SLC14A2: variants seen among roughly 807,000 people sequenced by gnomAD.
SLC14A2 encodes solute carrier family 14 member 2, also known as urea transporter 2.
In SLC14A2, 91 loss-of-function variants were observed where a neutral mutation model predicts 104.6. The ratio of observed to expected loss-of-function variants is 0.87; its 90% CI spans 0.73 to 1.04. SLC14A2 has a LOEUF of 1.04. Ranked by LOEUF, SLC14A2 falls within the 50% of genes least tolerant of loss-of-function variation. The pLI is 0.00. For synonymous variants in SLC14A2, 476 were observed against 466.4 expected, an observed-to-expected ratio of 1.02 and a Z score of -0.27; for missense variants, 1,189 against 1,156.0, an observed-to-expected ratio of 1.03 and a Z score of -0.41.
intron 1 of SLC14A2, among the ~76,000 whole-genome samples, chr18:45,228,261 T>C (rs183750977): frequency 3.3e-5 from 5 of 152,178 alleles, no homozygotes; most frequent in African/African-American, 1.2e-4. Context: ...GAATATTTGG[T>C]CAAATTACTG....
At chr18:45,215,224 A>C (rs1473190855) in intron 1 of SLC14A2, among the ~76,000 whole-genome samples, 1 of 152,216 alleles carries the variant, frequency 6.6e-6, no homozygotes, top group African/African-American at 2.4e-5. Context: ...AAGATTAAGA[A>C]TCAATATTCA....
intron 1 of SLC14A2, among the ~76,000 whole-genome samples, chr18:45,325,196 A>C (rs953767119): frequency 1.3e-5 from 2 of 152,236 alleles, no homozygotes; most frequent in African/African-American, 4.8e-5. Flanking sequence ...ACTTCCCTCT[A>C]GAAGTCAACG....
At chr18:45,563,062 G>A (rs537062091) in intron 2 of SLC14A2, among the ~76,000 whole-genome samples, 7 of 152,308 alleles carry the variant, frequency 4.6e-5, no homozygotes, top group African/African-American at 1.2e-4. Context: ...AAAAGGAAAC[G>A]CAGGGGGGCT....
At chr18:45,184,001 A>G in the SLC14A2 span, among the ~76,000 whole-genome samples, 2 of 137,838 alleles carry the variant, frequency 1.5e-5, no homozygotes, top group East Asian at 2.1e-4. Context: ...CAATCCTCCA[A>G]TCTCGGGCTC....
At chr18:45,444,325 C>T (rs540294962) in intron 1 of SLC14A2, among the ~76,000 whole-genome samples, 8 of 152,166 alleles carry the variant, frequency 5.3e-5, no homozygotes, top group Non-Finnish European at 4.4e-5. Context: ...GGATGCACTA[C>T]CTTCTCCCTG....
intron 2 of SLC14A2, among the ~76,000 whole-genome samples, chr18:45,575,125 C>T (rs1266132382): frequency 1.3e-5 from 2 of 151,724 alleles, no homozygotes; most frequent in South Asian, 2.1e-4. Flanking sequence ...TTTCTGGGCC[C>T]TGTGGGTTTC....
At chr18:45,668,526 C>CACG (rs1187176355) in intron 15 of SLC14A2, 49 bp downstream of exon 15, 2 of 1,604,834 alleles carry the variant, frequency 1.2e-6, no homozygotes, top group African/African-American at 2.7e-5. Context: ...GGCCACCAAC[C>CACG]TTTTCATCCC....
intron 10 of SLC14A2, among the ~76,000 whole-genome samples, chr18:45,660,113 A>G (rs117815701): frequency 0.016 from 2,435 of 152,298 alleles, 29 homozygotes; most frequent in Middle Eastern, 0.037. Context: ...AGCCTGGACA[A>G]TGAAGCAAGA....
At chr18:45,218,050 ACG>A in intron 1 of SLC14A2, among the ~76,000 whole-genome samples, 1 of 152,196 alleles carries the variant, frequency 6.6e-6, no homozygotes, top group Non-Finnish European at 1.5e-5. Flanking sequence ...TACCATTTTA[ACG>A]ATCTTTAAGT....
intron 1 of SLC14A2, among the ~76,000 whole-genome samples, chr18:45,296,411 T>C (rs2144179321): frequency 6.6e-6 from 1 of 152,348 alleles, no homozygotes; most frequent in African/African-American, 2.4e-5. Context: ...TATAATTGAA[T>C]GCCAGATTGA....
chr18:45,239,078 G>A (rs543545999), intron 1 of SLC14A2, among the ~76,000 whole-genome samples: 19 of 152,242 alleles, frequency 1.2e-4, no homozygotes, highest in South Asian at 2.1e-4. Flanking sequence ...GTTTCCTACC[G>A]GGAATGTTGG....
intron 1 of SLC14A2, among the ~76,000 whole-genome samples, chr18:45,322,108 T>C (rs1380170368): frequency 6.6e-6 from 1 of 152,202 alleles, no homozygotes; most frequent in Non-Finnish European, 1.5e-5. Context: ...AACAGTTTGT[T>C]CTCCAGGGCT....
At chr18:45,173,564 T>C in the SLC14A2 span, among the ~76,000 whole-genome samples, 183 of 152,144 alleles carry the variant, frequency 1.2e-3, no homozygotes, top group African/African-American at 4.2e-3. Context: ...AAGTCAGGTC[T>C]GCTGTGAACC....
At chr18:45,541,224 T>C (rs2043879045) in intron 2 of SLC14A2, among the ~76,000 whole-genome samples, 1 of 152,202 alleles carries the variant, frequency 6.6e-6, no homozygotes, top group Non-Finnish European at 1.5e-5. Context: ...TGTGTGTGTG[T>C]GCACACGTGT....
intron 1 of SLC14A2, among the ~76,000 whole-genome samples, chr18:45,280,092 C>T (rs974405302): frequency 3.9e-5 from 6 of 152,144 alleles, no homozygotes; most frequent in Non-Finnish European, 5.9e-5. Context: ...ATTTGTGCTG[C>T]GTACTGTTCA....
At chr18:45,211,187 C>T (rs2083958289), upstream of SLC14A2, among the ~76,000 whole-genome samples, 1 of 152,148 alleles carries the variant, frequency 6.6e-6, no homozygotes, top group Non-Finnish European at 1.5e-5. Context: ...TCACCTTTAT[C>T]ATGCAGCCAA....
In SLC14A2 at chr18:45,669,356, C is replaced by T; in HGVS notation, c.2087C>T (p.Pro696Leu). The part of the protein sequence containing the change: ...LGTIFSKWDL[P>L]VFTLPFNITV... ...ACCATCTTCAGCAAGTGGGACCTCC[C>T]AGTCTTCACACTGCCCTTCAATATC... is the stretch of plus-strand genomic sequence containing the variant. Residue 696 changes from proline to leucine, a missense_variant, in exon 16 of 20, where the codon CCA becomes CTA. Physicochemically the swap from Pro to Leu is moderately conservative, Grantham distance 98 (BLOSUM62 -3). Coordinates refer to ENST00000255226, the MANE Select transcript of SLC14A2 (RefSeq NM_007163.4). 1 of 1,614,032 alleles carries T rather than the reference C, an allele frequency of 6.2e-7. No individual in the cohort carries two copies. The highest frequency in any genetic ancestry group is 8.5e-7 in the Non-Finnish European group (1 of 1,179,982).
At chr18:45,399,509 TAAG>T (rs1421910683) in intron 1 of SLC14A2, among the ~76,000 whole-genome samples, 1 of 152,176 alleles carries the variant, frequency 6.6e-6, no homozygotes, top group African/African-American at 2.4e-5. Flanking sequence ...GGTCCATTGA[TAAG>T]AAGGTCATGT....
intron 1 of SLC14A2, among the ~76,000 whole-genome samples, chr18:45,367,536 C>T (rs2085678521): frequency 1.3e-5 from 2 of 152,202 alleles, no homozygotes; most frequent in Admixed American, 6.5e-5. Context: ...TCATGTCAAC[C>T]TGTGGACTCA....
Sources: allele counts gnomAD v4.1 joint callset (sites outside exome capture counted in the v4.1 genomes callset), GRCh38; gene constraint gnomAD v4.1.1; transcripts MANE v1.5; gene names NCBI Gene and HGNC (gene_info 2026-07-23, HGNC 2026-07-21).